Variants in TGM5 observed in about 807,000 individuals in gnomAD.
TGM5 encodes protein-glutamine gamma-glutamyltransferase 5.
Under a neutral mutation model 77.2 loss-of-function variants are expected in TGM5, and 69 were observed. The ratio of observed to expected loss-of-function variants is 0.89; its 90% CI spans 0.74 to 1.09. TGM5 has a LOEUF of 1.09. TGM5 is among the 50% of genes least tolerant of loss of function. TGM5 has a pLI of 0.00. For missense variants in TGM5, 842 were observed against 896.5 expected (o/e 0.94, Z 0.78); for synonymous variants, 346 against 351.8 (o/e 0.98, Z 0.18).
chr15:43,240,362 T>C (rs1421666028), intron 7 of TGM5, among the ~76,000 whole-genome samples: 2 of 152,234 alleles, frequency 1.3e-5, no homozygotes, highest in Non-Finnish European at 2.9e-5. Context: ...TACATGGCTG[T>C]CCATACTCTG....
intron 1 of TGM5, among the ~76,000 whole-genome samples, chr15:43,261,325 G>A (rs957159611): frequency 6.6e-6 from 1 of 151,962 alleles, no homozygotes; most frequent in Admixed American, 6.6e-5. Flanking sequence ...TCCTGACCTC[G>A]TGATCTGCCT....
rs1460696558 is a variant in TGM5, at chr15:43,266,906, C to T, written c.-57G>A. Reference sequence around the variant, plus strand: ...CACAGAACAGCTGGGCGGTCTGGAGCTTCAGCAAACTGGTGCCAGAGTGTC... The same window carrying T: ...CACAGAACAGCTGGGCGGTCTGGAGTTTCAGCAAACTGGTGCCAGAGTGTC... On this transcript the variant is annotated 5_prime_UTR_variant, in exon 1 of 13. Transcript: ENST00000220420. The T allele has an allele frequency of 3.0e-5, 49 of 1,611,452 alleles. No individual in the cohort carries two copies. Among genetic ancestry groups the T allele is most frequent in the Non-Finnish European group, 3.8e-5 (45 of 1,178,724 alleles).
intron 7 of TGM5, among the ~76,000 whole-genome samples, chr15:43,240,149 T>TA (rs1363558781): frequency 1.3e-5 from 2 of 152,088 alleles, no homozygotes; most frequent in Non-Finnish European, 2.9e-5. Context: ...CCTTTTTGTA[T>TA]AAAAACTGGC....
chr15:43,261,708 A>G (rs770117812), intron 1 of TGM5, among the ~76,000 whole-genome samples: 2 of 152,038 alleles, frequency 1.3e-5, no homozygotes, highest in African/African-American at 2.4e-5. Context: ...AACTCTCTTC[A>G]TGCCTTCCAT....
Position 43,233,584 on chromosome 15 carries a change from C to T in TGM5, c.1979G>A (p.Ser660Asn), listed in dbSNP as rs1212433059. The T allele has an allele frequency of 1.2e-6, 2 of 1,614,106 alleles. No individual in the cohort carries two copies. The highest frequency in any genetic ancestry group is 2.7e-5 in the African/African-American group (2 of 74,930). The change falls in exon 12 of 13, where the codon AGT becomes AAT. Residue 660 changes from serine to asparagine, a missense_variant. This residue lies in a region of TGM5 where 815 missense variants were observed against 844.6 expected (regional missense o/e 0.96). Transcript: ENST00000220420. ...TTTCTGCTGTTTCTTGAAGAGGCCACTTCCTTCCACAGTCAGCACACAGTC... is the reference window on the plus strand; with the variant it reads ...TTTCTGCTGTTTCTTGAAGAGGCCATTTCCTTCCACAGTCAGCACACAGTC... Reference protein sequence around the residue: ...VEDCVLTVEGSGLFKKQQKVF... With the variant: ...VEDCVLTVEGNGLFKKQQKVF...
chr15:43,244,930 A>G (rs1035784650), intron 6 of TGM5, among the ~76,000 whole-genome samples: 1 of 152,088 alleles, frequency 6.6e-6, no homozygotes. Context: ...TTGGCCGGGT[A>G]TAGTGGCACA....
At chr15:43,250,678 T>A (rs1596447081) in intron 6 of TGM5, among the ~76,000 whole-genome samples, 1 of 152,254 alleles carries the variant, frequency 6.6e-6, no homozygotes, top group East Asian at 1.9e-4. Context: ...GTCTTACCCA[T>A]CTTGTATCCA....
intron 4 of TGM5, among the ~76,000 whole-genome samples, chr15:43,255,940 T>C (rs572064947): frequency 6.6e-6 from 1 of 152,352 alleles, no homozygotes; most frequent in South Asian, 2.1e-4. Flanking sequence ...AAGCTGGTGA[T>C]GGTGCTTGGG....
rs769733083 is a variant in TGM5 at position 43,252,823 on chromosome 15, G to A, written c.798C>T (p.Asn266=). 13 of 1,613,936 alleles carry A rather than the reference G, an allele frequency of 8.1e-6. No homozygotes were observed. Among genetic ancestry groups the A allele is most frequent in the South Asian group, 3.3e-5 (3 of 91,092 alleles). Residue 266 remains asparagine (N), a synonymous_variant, in exon 6 of 13, where the codon AAC becomes AAT. Transcript: ENST00000220420. Reference sequence around the variant, plus strand: ...AGCGCACGGGCTGGCAGCCTGTGGCGTTCCACTGCTTCAGGATGGCCACGC... The same window carrying A: ...AGCGCACGGGCTGGCAGCCTGTGGCATTCCACTGCTTCAGGATGGCCACGC... ...TGSVAILKQW[N]ATGCQPVRYG... is the part of the protein sequence containing the mutation.
chr15:43,247,212 G>T (rs1353611476), intron 6 of TGM5, among the ~76,000 whole-genome samples: 5 of 148,684 alleles, frequency 3.4e-5, no homozygotes, highest in African/African-American at 1.2e-4. Flanking sequence ...AATCTGCAAG[G>T]AATTTGTTAT....
chr15:43,258,764 G>T (rs915273562), intron 3 of TGM5, among the ~76,000 whole-genome samples: 3 of 152,212 alleles, frequency 2.0e-5, no homozygotes, highest in African/African-American at 7.2e-5. Flanking sequence ...CCTAGGCCCA[G>T]TGTTGGGTCT....
At chr15:43,248,456 G>A (rs1307171299) in intron 6 of TGM5, among the ~76,000 whole-genome samples, 1 of 152,210 alleles carries the variant, frequency 6.6e-6, no homozygotes, top group Non-Finnish European at 1.5e-5. Flanking sequence ...ACAGGCATGA[G>A]CCACTGCACC....
At chr15:43,263,475 G>C (rs2042803817) in intron 1 of TGM5, among the ~76,000 whole-genome samples, 1 of 152,218 alleles carries the variant, frequency 6.6e-6, no homozygotes, top group Admixed American at 6.5e-5. Context: ...ATATAGATCA[G>C]TGGAATAGAA....
At position 43,266,877 on chromosome 15, in the gene TGM5, T is replaced by C; in HGVS notation, c.-28A>G. 6.2e-7 allele frequency: 1 copy of C among 1,613,966 alleles called. No individual in the cohort carries two copies. The highest frequency in any genetic ancestry group is 8.5e-7 in the Non-Finnish European group (1 of 1,180,020). On this transcript the variant is annotated 5_prime_UTR_variant, in exon 1 of 13. Transcript: ENST00000220420. ...TAGCTGCCTCCGGTTCCTGGGATGC[T>C]CCCCACAGAACAGCTGGGCGGTCTG...
At chr15:43,239,080 G>C (rs562176680) in intron 8 of TGM5, 24 bp from the exon 9 acceptor site, 1 of 1,614,000 alleles carries the variant, frequency 6.2e-7, no homozygotes. Context: ...GGGGAGCCTC[G>C]GTGGGCTGTT....
intron 6 of TGM5, 49 bp from the exon 7 acceptor site, chr15:43,241,039 C>A (rs2042632499): frequency 6.2e-7 from 1 of 1,613,276 alleles, no homozygotes; most frequent in Non-Finnish European, 8.5e-7. Flanking sequence ...GATTCCGGAC[C>A]CGTATATTCC....
intron 1 of TGM5, 129 bp downstream of exon 1, chr15:43,266,711 G>T: frequency 1.6e-6 from 2 of 1,270,718 alleles, no homozygotes; most frequent in Non-Finnish European, 1.1e-6. Context: ...TGGGATTCTT[G>T]CTTTTCCTGC....
At chr15:43,240,487 G>A (rs533019305) in intron 7 of TGM5, among the ~76,000 whole-genome samples, 2 of 151,618 alleles carry the variant, frequency 1.3e-5, no homozygotes, top group East Asian at 3.9e-4. Context: ...ATCTGATTTT[G>A]TGAGTTGATT....
chr15:43,261,084 T>TTTTG (rs1596452338), intron 1 of TGM5, among the ~76,000 whole-genome samples: 3 of 95,236 alleles, frequency 3.2e-5, no homozygotes, highest in Non-Finnish European at 4.3e-5. Flanking sequence ...GTGTTTTTTT[T>TTTTG]TTTTTTTTTT....
Sources: allele counts gnomAD v4.1 joint callset (sites outside exome capture counted in the v4.1 genomes callset), GRCh38; gene constraint gnomAD v4.1.1; regional missense constraint gnomAD v4.1.1; transcripts MANE v1.5; gene names NCBI Gene and HGNC (gene_info 2026-07-23, HGNC 2026-07-21).